Variants in PACSIN1 observed in about 807,000 individuals in gnomAD.
PACSIN1 encodes protein kinase C and casein kinase substrate in neurons protein 1.
A neutral mutation model predicts 59.5 loss-of-function variants in PACSIN1; 15 were observed. That is an observed-to-expected ratio of 0.25 (90% CI 0.17 to 0.39). PACSIN1 has a LOEUF of 0.39. Ranked by LOEUF, PACSIN1 falls within the 10% of genes least tolerant of loss-of-function variation. The pLI, the probability that PACSIN1 is intolerant of heterozygous loss-of-function variation, is 1.00. For missense variants in PACSIN1, 420 were observed against 580.2 expected (o/e 0.72, Z 2.84); for synonymous variants, 210 against 220.6 (o/e 0.95, Z 0.42).
intron 1 of PACSIN1, among the ~76,000 whole-genome samples, chr6:34,476,481 G>T (rs73405674): frequency 1.4e-5 from 2 of 146,626 alleles, no homozygotes; most frequent in Admixed American, 6.9e-5. Flanking sequence ...CAGCTCCATC[G>T]GACACTGGGC....
chr6:34,513,229 T>A (rs1767233342), intron 1 of PACSIN1, among the ~76,000 whole-genome samples: 1 of 152,218 alleles, frequency 6.6e-6, no homozygotes, highest in Non-Finnish European at 1.5e-5. Context: ...CATGCAGCTA[T>A]GTTTGAGTTT....
intron 1 of PACSIN1, among the ~76,000 whole-genome samples, chr6:34,475,602 G>A (rs1411611899): frequency 6.6e-6 from 1 of 152,196 alleles, no homozygotes; most frequent in Non-Finnish European, 1.5e-5. Flanking sequence ...TCCCGGGGAA[G>A]GGCCTAGCCT....
chr6:34,480,026 G>A (rs77108810), intron 1 of PACSIN1, among the ~76,000 whole-genome samples: 1,683 of 148,850 alleles, frequency 0.011, 41 homozygotes, highest in East Asian at 0.097. Context: ...GGGTTTCACC[G>A]TGTTGGCCAG....
At chr6:34,491,303 G>T (rs959960299) in intron 1 of PACSIN1, among the ~76,000 whole-genome samples, 1 of 152,072 alleles carries the variant, frequency 6.6e-6, no homozygotes, top group East Asian at 1.9e-4. Context: ...CCTTCCACAG[G>T]CTTTATAATT....
rs555229612 is a variant in PACSIN1, at chr6:34,528,078, G to A, written c.221-564G>A. Among the ~76,000 whole-genome samples the A allele has an allele frequency of 1.2e-4, 18 of 152,268 alleles. No individual in the cohort carries two copies. The East Asian group carries it at 2.9e-3, about 24-fold the overall frequency. ...TTAATCTAGAACAGTTTGAAGTTGC[G>A]GTTTACATATACTTGTTCATGTTAT... On this transcript the variant is annotated intron_variant, in intron 3 of 9. Coordinates refer to ENST00000244458, the MANE Select transcript of PACSIN1 (RefSeq NM_020804.5).
At chr6:34,469,479 G>C (rs975651980) in intron 1 of PACSIN1, among the ~76,000 whole-genome samples, 4 of 152,124 alleles carry the variant, frequency 2.6e-5, no homozygotes, top group Non-Finnish European at 5.9e-5. Context: ...GTAGAGGAGG[G>C]GTCCCGGAGC....
At chr6:34,524,944 A>T (rs1159763303) in intron 1 of PACSIN1, among the ~76,000 whole-genome samples, 1 of 152,186 alleles carries the variant, frequency 6.6e-6, no homozygotes, top group Non-Finnish European at 1.5e-5. Context: ...TCTATGTGAC[A>T]TTAAGGGTTC....
intron 1 of PACSIN1, among the ~76,000 whole-genome samples, chr6:34,489,753 A>G (rs1011999332): frequency 1.3e-5 from 2 of 152,212 alleles, no homozygotes; most frequent in Admixed American, 6.5e-5. Flanking sequence ...GGGGGCCACG[A>G]TGCCTCTTTG....
intron 1 of PACSIN1, among the ~76,000 whole-genome samples, chr6:34,494,941 A>C (rs1766926940): frequency 6.6e-6 from 1 of 152,176 alleles, no homozygotes; most frequent in Non-Finnish European, 1.5e-5. Flanking sequence ...AGTTACTGTA[A>C]GTCCAAGCCT....
chr6:34,500,594 T>C (rs1277307355), intron 1 of PACSIN1, among the ~76,000 whole-genome samples: 1 of 152,188 alleles, frequency 6.6e-6, no homozygotes, highest in African/African-American at 2.4e-5. Flanking sequence ...TCAAGGGCCT[T>C]AGAATTTCAG....
intron 1 of PACSIN1, among the ~76,000 whole-genome samples, chr6:34,508,285 A>T (rs554615132): frequency 2.0e-5 from 3 of 152,198 alleles, no homozygotes; most frequent in African/African-American, 7.2e-5. Context: ...TTGTATTCTT[A>T]GTAGAGATGG....
chr6:34,482,829 G>A (rs1268101507), intron 1 of PACSIN1, among the ~76,000 whole-genome samples: 2 of 151,338 alleles, frequency 1.3e-5, no homozygotes, highest in Admixed American at 6.6e-5. Flanking sequence ...GATTACAGGC[G>A]CCTGCCGCCA....
intron 1 of PACSIN1, among the ~76,000 whole-genome samples, chr6:34,501,759 C>T (rs576795627): frequency 2.6e-5 from 4 of 152,188 alleles, no homozygotes; most frequent in East Asian, 1.9e-4. Context: ...TGGCTGGGTG[C>T]GGTGGCTCAC....
intron 1 of PACSIN1, among the ~76,000 whole-genome samples, chr6:34,511,348 G>A (rs753380195): frequency 6.6e-6 from 1 of 152,140 alleles, no homozygotes; most frequent in Non-Finnish European, 1.5e-5. Flanking sequence ...TCTGGGGTGG[G>A]ACCTGAAATG....
At position 34,468,595 on chromosome 6, in the gene PACSIN1, T is replaced by C. The variant is rs190735081; in HGVS notation, c.-64+2325T>C. Among the ~76,000 whole-genome samples, 221 of 152,322 alleles carry C rather than the reference T, an allele frequency of 1.5e-3. 1 individual carries two copies. Among genetic ancestry groups the C allele is most frequent in the African/African-American group, 4.8e-3 (198 of 41,574 alleles). ...CAGTTCCTCAAGCAAGTGGGGCTTC[T>C]GTCACCTGCAGGCCTTTGCACAGGC... On this transcript the variant is annotated intron_variant, in intron 1 of 9. Transcript: ENST00000244458.
At position 34,485,928 on chromosome 6, in the gene PACSIN1, A is replaced by G. The variant is rs368752302; in HGVS notation, c.-64+19658A>G. ...GGGAGTGGAGATGGGGAGGATGGAC[A>G]GGCCTTTCCAGGAGTGTCCTCTGCC... On this transcript the variant is annotated intron_variant, in intron 1 of 9. Coordinates refer to ENST00000244458, the MANE Select transcript of PACSIN1 (RefSeq NM_020804.5). 2.7e-4 allele frequency among the ~76,000 whole-genome samples: 41 copies of G among 152,284 alleles called. No individual in the cohort carries two copies. In the East Asian group the frequency reaches 6.2e-3, roughly 23 times the overall value.
At position 34,530,085 on chromosome 6, in the gene PACSIN1, G is replaced by C. The variant is rs1178115653; in HGVS notation, c.789-158G>C. 6.6e-6 allele frequency among the ~76,000 whole-genome samples: 1 copy of C among 152,176 alleles called. No homozygotes were observed. Among genetic ancestry groups the C allele is most frequent in the African/African-American group, 2.4e-5 (1 of 41,430 alleles). On this transcript the variant is annotated intron_variant, in intron 6 of 9. Transcript: ENST00000244458. The surrounding 1 kb of genome is among the most constrained non-coding windows in gnomAD (Gnocchi z 4.4). Reference sequence around the variant, plus strand: ...GTGGGAGGGAAAAGGAGTCCACCGAGCATGCCCGGAGCTTATTCTTGCAAA... The same window carrying C: ...GTGGGAGGGAAAAGGAGTCCACCGACCATGCCCGGAGCTTATTCTTGCAAA...
chr6:34,530,982 G>T lies in PACSIN1; in HGVS notation c.1037+395G>T, dbSNP rs946665958. The stretch of plus-strand genomic sequence containing the variant: ...GCAGCTCAGGCGATAATGCTCCCTC[G>T]CCTGTCACTCACCTCCTGCTGTGCT... On this transcript the variant is annotated intron_variant, in intron 8 of 9. Transcript: ENST00000244458. The surrounding 1 kb of genome is among the most constrained non-coding windows in gnomAD (Gnocchi z 4.4). 1.3e-5 allele frequency among the ~76,000 whole-genome samples: 2 copies of T among 152,118 alleles called. No individual in the cohort carries two copies. The highest frequency in any genetic ancestry group is 4.8e-5 in the African/African-American group (2 of 41,406).
Position 34,529,836 on chromosome 6 carries a change from C to T in PACSIN1, c.783C>T (p.Asn261=). 1 of 1,613,232 alleles carries T rather than the reference C, an allele frequency of 6.2e-7. No homozygotes were observed. Among genetic ancestry groups the T allele is most frequent in the East Asian group, 2.2e-5 (1 of 44,842 alleles). The change falls in exon 6 of 10, where the codon AAC becomes AAT. Residue 261 remains asparagine (N), a synonymous_variant. Coordinates refer to ENST00000244458, the MANE Select transcript of PACSIN1 (RefSeq NM_020804.5). This position sits in a 1 kb window ranked among gnomAD's most constrained non-coding sequence, Gnocchi z 6.3. ...DIKRHLNLAE[N]SSYIHVYREL... ...AACGGCACCTCAACCTGGCTGAGAA[C>T]AGCAGGTACCTGGGCATGGCAGGCA... is the stretch of plus-strand genomic sequence containing the variant.
Sources: gnomAD v4.1 joint callset for allele counts (sites outside exome capture counted in the v4.1 genomes callset) on GRCh38, gnomAD v4.1.1 for gene constraint, Gnocchi (gnomAD v3.1) non-coding constraint, MANE v1.5 for transcripts, NCBI Gene and HGNC (gene_info 2026-07-23, HGNC 2026-07-21) for gene names.